NRXN2: variants seen among roughly 807,000 people sequenced by gnomAD.
NRXN2 encodes neurexin 2.
NRXN2 carries 29 observed loss-of-function variants against 128.8 expected under a neutral mutation model. The observed-to-expected ratio is 0.23, with a 90% CI of 0.17 to 0.31. The LOEUF (loss-of-function observed/expected upper bound fraction) is 0.31, where lower values mean the gene tolerates loss of function less well. Ranked by LOEUF, NRXN2 falls within the 10% of genes least tolerant of loss-of-function variation. The pLI, the probability that NRXN2 is intolerant of heterozygous loss-of-function variation, is 1.00. For missense variants in NRXN2, 1,881 were observed against 2,452.6 expected, an observed-to-expected ratio of 0.77 and a Z score of 4.92; for synonymous variants, 1,098 against 1,075.2, an observed-to-expected ratio of 1.02 and a Z score of -0.41.
At chr11:64,634,872 G>C (rs1212674074) in intron 18 of NRXN2, among the ~76,000 whole-genome samples, 1 of 152,190 alleles carries the variant, frequency 6.6e-6, no homozygotes, top group Non-Finnish European at 1.5e-5. Context: ...GACACAGTAG[G>C]CTGGCCTAGC....
intron 9 of NRXN2, among the ~76,000 whole-genome samples, chr11:64,665,477 A>G (rs2049714217): frequency 1.3e-5 from 2 of 152,194 alleles, no homozygotes; most frequent in Admixed American, 6.5e-5. Context: ...CGTCCAACCT[A>G]GAGTGTTACT....
intron 9 of NRXN2, 132 bp from the exon 10 acceptor site, chr11:64,661,271 G>A: frequency 1.3e-6 from 2 of 1,546,758 alleles, no homozygotes; most frequent in Non-Finnish European, 1.7e-6. Flanking sequence ...AGGAGGACGA[G>A]CAGCAGTCCT....
Position 64,679,326 on chromosome 11 carries a change from T to C in NRXN2, c.1153-2289A>G, listed in dbSNP as rs555494779. Among the ~76,000 whole-genome samples, 6 of 152,272 alleles carry C rather than the reference T, an allele frequency of 3.9e-5. No homozygotes were observed. The South Asian group carries it at 1.2e-3, about 32-fold the overall frequency. ...TGAACAAGATTCCATTTTTAAGAAG[T>C]AGAACAGCAAATTAAGAATCAGGAT... On this transcript the variant is annotated intron_variant, in intron 6 of 22. Coordinates refer to ENST00000265459, the MANE Select transcript of NRXN2 (RefSeq NM_015080.4).
At chr11:64,688,927 C>T in intron 5 of NRXN2, 1 of 430,644 alleles carries the variant, frequency 2.3e-6, no homozygotes, top group Non-Finnish European at 3.1e-6. Flanking sequence ...GCACTTACTG[C>T]CTAATAACAT....
At position 64,685,536 on chromosome 11, in the gene NRXN2, T is replaced by G. The variant is rs1328641024; in HGVS notation, c.1152+110A>C. ...TCCTGTTCTTCTCCAGAACCACACCTCACTGCCCAGCCCTGATCCCTCCAC... is the reference window on the plus strand; with the variant it reads ...TCCTGTTCTTCTCCAGAACCACACCGCACTGCCCAGCCCTGATCCCTCCAC... On this transcript the variant is annotated intron_variant, in intron 6 of 22. Transcript: ENST00000265459. The G allele has an allele frequency of 2.1e-6, 3 of 1,423,238 alleles. No homozygotes were observed. In the Admixed American group the frequency reaches 5.1e-5, roughly 24 times the overall value. The allele number at this position is 1,423,238 out of a possible 1,614,324, so 88.2% of individuals were successfully genotyped here.
Position 64,651,356 on chromosome 11 carries a change from G to A in NRXN2, c.2817C>T (p.Ser939=). ...LALATLQAYA[S]MHLFFQFKTT... is the part of the protein sequence containing the mutation. ...TCTTGAACTGGAAGAAGAGGTGCAT[G>A]GAAGCATAGGCTTGGAGCGTGGCGA... Residue 939 remains serine, a synonymous_variant, in exon 14 of 23, where the codon TCC becomes TCT. Coordinates refer to ENST00000265459, the MANE Select transcript of NRXN2 (RefSeq NM_015080.4). The surrounding 1 kb of genome is among the most constrained non-coding windows in gnomAD (Gnocchi z 5.9). 5 of 1,614,236 alleles carry A rather than the reference G, an allele frequency of 3.1e-6. No homozygotes were observed. The highest frequency in any genetic ancestry group is 4.2e-6 in the Non-Finnish European group (5 of 1,180,030).
chr11:64,692,796 C>A, intron 4 of NRXN2, 51 bp downstream of exon 4: 2 of 1,610,180 alleles, frequency 1.2e-6, no homozygotes, highest in Non-Finnish European at 1.7e-6. Flanking sequence ...AAAATCCAGG[C>A]GCAGGTTGGG....
At chr11:64,657,325 C>G (rs1008261810) in intron 11 of NRXN2, among the ~76,000 whole-genome samples, 7 of 152,206 alleles carry the variant, frequency 4.6e-5, no homozygotes, top group African/African-American at 1.2e-4. Context: ...CTTTTCCCAT[C>G]AGCTGCACTG....
Position 64,685,727 on chromosome 11 carries a change from G to A in NRXN2, c.1071C>T (p.Phe357=), listed in dbSNP as rs575137555. The A allele has an allele frequency of 1.5e-5, 24 of 1,614,230 alleles. No individual in the cohort carries two copies. In the East Asian group the frequency reaches 3.1e-4, roughly 21 times the overall value. Residue 357 remains phenylalanine (F), a synonymous_variant, in exon 6 of 23, where the codon TTC becomes TTT. Coordinates refer to ENST00000265459, the MANE Select transcript of NRXN2 (RefSeq NM_015080.4). ...WLVINLGSGA[F]EALVEPVNGK... ...CATTGACGGGTTCCACAAGGGCCTC[G>A]AAGGCACCTGAGCCTAGGTTGATGA...
intron 2 of NRXN2, among the ~76,000 whole-genome samples, chr11:64,710,053 G>A (rs926693055): frequency 1.3e-5 from 2 of 151,864 alleles, no homozygotes; most frequent in Non-Finnish European, 2.9e-5. Flanking sequence ...GATTACAAGT[G>A]CCCGCCACCA....
intron 18 of NRXN2, among the ~76,000 whole-genome samples, chr11:64,634,959 C>T (rs1055270032): frequency 5.9e-5 from 9 of 152,158 alleles, no homozygotes; most frequent in African/African-American, 2.2e-4. Flanking sequence ...AGGAGAATGG[C>T]CTGGAAGTCC....
At chr11:64,707,311 C>T (rs1285933987) in intron 2 of NRXN2, among the ~76,000 whole-genome samples, 1 of 150,728 alleles carries the variant, frequency 6.6e-6, no homozygotes, top group African/African-American at 2.4e-5. Context: ...GGCGTGAACC[C>T]GGGAGGCAGA....
In NRXN2 at chr11:64,714,046, GACTGTTTCCCTGCAGA is replaced by G. The variant is rs2057199402; in HGVS notation, c.-244-119_-244-104del. On this transcript the variant is annotated intron_variant, in intron 1 of 22. Coordinates refer to ENST00000265459, the MANE Select transcript of NRXN2 (RefSeq NM_015080.4). The surrounding 1 kb of genome is among the most constrained non-coding windows in gnomAD (Gnocchi z 4.5). ...TCCCCACGCATATCAGCAGGCACCAGACTGTTTCCCTGCAGAACTTAGAGAGGCCCTGACCTGCAGA... is the reference window on the plus strand; with the variant it reads ...TCCCCACGCATATCAGCAGGCACCAGACTTAGAGAGGCCCTGACCTGCAGA... 6.5e-6 allele frequency: 1 copy of G among 152,850 alleles called. No individual in the cohort carries two copies. Among genetic ancestry groups the G allele is most frequent in the Non-Finnish European group, 1.5e-5 (1 of 68,522 alleles). 9.5% of individuals were successfully genotyped at this position (152,850 alleles called of 1,614,324 possible). A position where few individuals can be genotyped will look rare whatever the true frequency, so the allele number is the denominator to read the frequency against.
rs2039980437 is a variant in NRXN2, at chr11:64,608,038, G to A, written c.4297C>T (p.Pro1433Ser). 6.4e-7 allele frequency: 1 copy of A among 1,574,630 alleles called. No individual in the cohort carries two copies. The highest frequency in any genetic ancestry group is 8.6e-7 in the Non-Finnish European group (1 of 1,167,018). Residue 1433 changes from proline (P) to serine (S), a missense_variant, in exon 23 of 23, where the codon CCC (proline) becomes TCC (serine). By Grantham distance (74) the Pro-to-Ser change is moderately conservative (BLOSUM62 -1). Around this residue, in one of 7 missense-constraint regions of NRXN2, gnomAD observed 310 missense variants for 318.2 expected, o/e 0.97. Coordinates refer to ENST00000265459, the MANE Select transcript of NRXN2 (RefSeq NM_015080.4). ...GGGGATCGGGTGGCCACGGGAGGGGGGTCTAAGGAGTCCTCCGTGATAATG... is the reference window on the plus strand; with the variant it reads ...GGGGATCGGGTGGCCACGGGAGGGGAGTCTAAGGAGTCCTCCGTGATAATG... Reference protein sequence around the residue: ...LPIITEDSLDPPPVATRSPFV... With the variant: ...LPIITEDSLDSPPVATRSPFV...
chr11:64,614,907 T>C (rs538986679), intron 22 of NRXN2, among the ~76,000 whole-genome samples: 3 of 152,212 alleles, frequency 2.0e-5, no homozygotes, highest in Admixed American at 6.5e-5. Context: ...CCCTAGCTGG[T>C]TGGGACTTTG....
rs1332971139 is a variant in NRXN2, at chr11:64,713,349, C to A, written c.351G>T (p.Leu117=). 1 of 1,415,538 alleles carries A rather than the reference C, an allele frequency of 7.1e-7. No homozygotes were observed. The allele number at this position is 1,415,538 out of a possible 1,614,324, so 87.7% of individuals were successfully genotyped here. Residue 117 remains leucine (L), a synonymous_variant, in exon 2 of 23, where the codon CTG becomes CTT. Coordinates refer to ENST00000265459, the MANE Select transcript of NRXN2 (RefSeq NM_015080.4). Reference sequence around the variant, plus strand: ...GCGCCGTGCGGCGCGCGTCGCGGGTCAGCAGCACCATGTGCCAGCGGTCGT... The same window carrying A: ...GCGCCGTGCGGCGCGCGTCGCGGGTAAGCAGCACCATGTGCCAGCGGTCGT... ...VADDRWHMVL[L]TRDARRTALA...
In NRXN2 at chr11:64,713,337, C is replaced by G; in HGVS notation, c.363G>C (p.Ala121=). 1 of 1,376,102 alleles carries G rather than the reference C, an allele frequency of 7.3e-7. No homozygotes were observed. The highest frequency in any genetic ancestry group is 9.3e-7 in the Non-Finnish European group (1 of 1,072,796). 85.2% of individuals were successfully genotyped at this position (1,376,102 alleles called of 1,614,324 possible). The change falls in exon 2 of 23, where the codon GCG becomes GCC. Residue 121 remains alanine, a synonymous_variant. Coordinates refer to ENST00000265459, the MANE Select transcript of NRXN2 (RefSeq NM_015080.4). ...RWHMVLLTRD[A]RRTALAVDGE... ...CGTCCACCGCCAGCGCCGTGCGGCG[C>G]GCGTCGCGGGTCAGCAGCACCATGT...
At chr11:64,644,892 G>A (rs1000286741) in intron 17 of NRXN2, among the ~76,000 whole-genome samples, 4 of 152,074 alleles carry the variant, frequency 2.6e-5, no homozygotes, top group East Asian at 1.9e-4. Context: ...CTGTCACCAC[G>A]AGCCCCATGT....
intron 7 of NRXN2, among the ~76,000 whole-genome samples, chr11:64,674,352 A>C (rs1372703777): frequency 6.6e-6 from 1 of 151,916 alleles, no homozygotes; most frequent in African/African-American, 2.4e-5. Flanking sequence ...CACCACACCC[A>C]GCTATTTTTT....
Sources: allele counts gnomAD v4.1 joint callset (sites outside exome capture counted in the v4.1 genomes callset), GRCh38; gene constraint gnomAD v4.1.1; regional missense constraint gnomAD v4.1.1; non-coding constraint Gnocchi (gnomAD v3.1); transcripts MANE v1.5; gene names NCBI Gene and HGNC (gene_info 2026-07-23, HGNC 2026-07-21).